The following KLF12 variants were observed in gnomAD, a reference collection of about 807,000 sequenced individuals.
The protein encoded by KLF12 is Krueppel-like factor 12.
In KLF12, 9 loss-of-function variants were observed where a neutral mutation model predicts 37.8. That is an observed-to-expected ratio of 0.24 (90% CI 0.14 to 0.42). The LOEUF (loss-of-function observed/expected upper bound fraction) is 0.42. Among genes scored for constraint, KLF12 ranks in the 10% least tolerant of loss-of-function variants. KLF12 has a pLI of 1.00. For synonymous variants in KLF12, 208 were observed against 202.1 expected, an observed-to-expected ratio of 1.03 and a Z score of -0.25; for missense variants, 411 against 516.0, an observed-to-expected ratio of 0.80 and a Z score of 1.97.
chr13:74,017,511 C>T (rs1214203149), intron 1 of KLF12, among the ~76,000 whole-genome samples: 1 of 151,062 alleles, frequency 6.6e-6, no homozygotes. Flanking sequence ...CCATAAAAAG[C>T]TATAGTACGT....
intron 4 of KLF12, among the ~76,000 whole-genome samples, chr13:73,830,258 C>T (rs142082039): frequency 1.7e-4 from 25 of 150,980 alleles, no homozygotes; most frequent in African/African-American, 5.6e-4. Flanking sequence ...ACTTCCAGAA[C>T]GTGACAGAAA....
upstream of KLF12, among the ~76,000 whole-genome samples, chr13:74,134,551 G>T (rs1480689892): frequency 7.0e-6 from 1 of 142,294 alleles, no homozygotes. Context: ...CCCCACCCCT[G>T]CCCCCGCCCT....
intron 3 of KLF12, among the ~76,000 whole-genome samples, chr13:73,885,270 A>G (rs999936240): frequency 6.6e-6 from 1 of 152,186 alleles, no homozygotes; most frequent in African/African-American, 2.4e-5. Flanking sequence ...TTTTGCATCA[A>G]CACCTACCTA....
At chr13:74,279,036 A>G in the KLF12 span, among the ~76,000 whole-genome samples, 1 of 152,032 alleles carries the variant, frequency 6.6e-6, no homozygotes, top group East Asian at 1.9e-4. Context: ...GGCAGTATCA[A>G]CTCTAGTGAA....
the KLF12 span, among the ~76,000 whole-genome samples, chr13:74,186,474 G>A: frequency 2.9e-4 from 44 of 152,102 alleles, no homozygotes; most frequent in African/African-American, 1.0e-3. Context: ...CTTTGGACAG[G>A]TTGGGTACAA....
chr13:73,894,934 G>T (rs184499398), intron 3 of KLF12, among the ~76,000 whole-genome samples: 16 of 152,218 alleles, frequency 1.1e-4, no homozygotes, highest in Admixed American at 3.3e-4. Context: ...TTTATCAACG[G>T]ATTTCCTTTT....
At chr13:73,747,170 C>T (rs1343651715) in intron 6 of KLF12, among the ~76,000 whole-genome samples, 1 of 152,008 alleles carries the variant, frequency 6.6e-6, no homozygotes, top group African/African-American at 2.4e-5. Context: ...TGGGCCAGAC[C>T]TTATGGTAGG....
rs1171521867 is a variant in KLF12 at position 74,106,707 on chromosome 13, C to T, written c.-32+27032G>A. Among the ~76,000 whole-genome samples the T allele has an allele frequency of 3.3e-5, 5 of 152,192 alleles. No individual in the cohort carries two copies. In the East Asian group the frequency reaches 7.7e-4, roughly 23 times the overall value. On this transcript the variant is annotated intron_variant, in intron 1 of 7. Coordinates refer to ENST00000377669, the MANE Select transcript of KLF12 (RefSeq NM_007249.5). ...GACTGCACTGGGCTAAACAGATGAT[C>T]ATTAGACACCTGCTCCAACACAACT...
At chr13:73,823,624 C>T (rs1319207556) in intron 4 of KLF12, among the ~76,000 whole-genome samples, 1 of 152,168 alleles carries the variant, frequency 6.6e-6, no homozygotes, top group Non-Finnish European at 1.5e-5. Flanking sequence ...TATCAAAAAT[C>T]CTCAAAATTG....
At chr13:73,719,890 T>A (rs891392891) in intron 6 of KLF12, among the ~76,000 whole-genome samples, 1 of 152,116 alleles carries the variant, frequency 6.6e-6, no homozygotes, top group Non-Finnish European at 1.5e-5. Context: ...TAAACCACCA[T>A]GCCCGGCCAA....
intron 1 of KLF12, among the ~76,000 whole-genome samples, chr13:74,023,503 C>A (rs1892898140): frequency 6.6e-6 from 1 of 152,132 alleles, no homozygotes; most frequent in African/African-American, 2.4e-5. Flanking sequence ...TCTCTGAAGC[C>A]TGTAGAGCAG....
At chr13:74,061,534 CTG>C (rs1329752005) in intron 1 of KLF12, among the ~76,000 whole-genome samples, 3 of 152,126 alleles carry the variant, frequency 2.0e-5, no homozygotes, top group Non-Finnish European at 4.4e-5. Flanking sequence ...ACTTCCTAGA[CTG>C]TGAGACCACA....
chr13:74,030,503 C>A (rs771789300), intron 1 of KLF12, among the ~76,000 whole-genome samples: 14 of 151,982 alleles, frequency 9.2e-5, no homozygotes, highest in Non-Finnish European at 1.9e-4. Flanking sequence ...AATTAAATTT[C>A]TAAATACCTA....
the KLF12 span, among the ~76,000 whole-genome samples, chr13:74,271,837 T>C: frequency 1.3e-5 from 2 of 152,174 alleles, no homozygotes; most frequent in African/African-American, 4.8e-5. Flanking sequence ...CCTCATGATT[T>C]CAAGATGGCT....
At chr13:74,044,732 C>A (rs529911942) in intron 1 of KLF12, among the ~76,000 whole-genome samples, 1 of 152,028 alleles carries the variant, frequency 6.6e-6, no homozygotes, top group East Asian at 1.9e-4. Flanking sequence ...GTAGTCCCAG[C>A]TGCTCGGGAG....
chr13:74,014,176 T>C (rs1050700121), intron 1 of KLF12, among the ~76,000 whole-genome samples: 9 of 152,222 alleles, frequency 5.9e-5, no homozygotes, highest in Non-Finnish European at 2.9e-5. Context: ...ATGATTCAAA[T>C]ATAACTTGTA....
intron 3 of KLF12, among the ~76,000 whole-genome samples, chr13:73,915,502 C>CT (rs1888777132): frequency 6.6e-6 from 1 of 151,578 alleles, no homozygotes; most frequent in East Asian, 1.9e-4. Context: ...ACCCAGGCTT[C>CT]TTTTTCAGTT....
chr13:73,832,191 T>C (rs1429508818), intron 4 of KLF12, among the ~76,000 whole-genome samples: 3 of 152,190 alleles, frequency 2.0e-5, no homozygotes, highest in Non-Finnish European at 2.9e-5. Context: ...ACAAGCACAG[T>C]ATTCCTCATT....
the KLF12 span, among the ~76,000 whole-genome samples, chr13:74,252,624 A>T: frequency 6.6e-6 from 1 of 152,242 alleles, no homozygotes; most frequent in South Asian, 2.1e-4. Flanking sequence ...TTCTATAGGC[A>T]TTGAACTCAG....
Sources: allele counts gnomAD v4.1 joint callset (sites outside exome capture counted in the v4.1 genomes callset), GRCh38; gene constraint gnomAD v4.1.1; transcripts MANE v1.5; gene names NCBI Gene and HGNC (gene_info 2026-07-23, HGNC 2026-07-21).